GALK1: variants seen among roughly 807,000 people sequenced by gnomAD.
The protein encoded by GALK1 is galactokinase 1.
A neutral mutation model predicts 38.6 loss-of-function variants in GALK1; 30 were observed. That is an observed-to-expected ratio of 0.78 (90% CI 0.58 to 1.05). The LOEUF (loss-of-function observed/expected upper bound fraction) is 1.05, where lower values mean the gene tolerates loss of function less well. GALK1 is among the 50% of genes least tolerant of loss of function. GALK1 has a pLI of 0.00. For missense variants in GALK1, 512 were observed against 540.5 expected (o/e 0.95, Z 0.52); for synonymous variants, 240 against 233.6 (o/e 1.03, Z -0.25).
chr17:75,753,696 TC>T, downstream of GALK1: 1 of 1,097,600 alleles, frequency 9.1e-7, no homozygotes, highest in Non-Finnish European at 1.2e-6. Flanking sequence ...CCTACGGCCT[TC>T]CCCCGCCTGG....
Position 75,757,978 on chromosome 17 carries a change from G to A in GALK1, c.*78C>T. 6.6e-7 allele frequency: 1 copy of A among 1,510,902 alleles called. No homozygotes were observed. 93.6% of individuals were successfully genotyped at this position (1,510,902 alleles called of 1,614,324 possible). A position where few individuals can be genotyped will look rare whatever the true frequency, so the allele number is the denominator to read the frequency against. ...CAAGTTTATTGAGCACCCGGATATG[G>A]AAGATGGCACCGGGCACAGAGCCGT... On this transcript the variant is annotated 3_prime_UTR_variant, in exon 8 of 8. Transcript: ENST00000588479.
chr17:75,757,435 C>A (rs1254013283), downstream of GALK1: 1 of 1,613,254 alleles, frequency 6.2e-7, no homozygotes, highest in African/African-American at 1.3e-5. Context: ...CCCTGGGGGC[C>A]CAGCACCTGG....
intron 5 of GALK1, among the ~76,000 whole-genome samples, chr17:75,760,783 A>G (rs1210029958): frequency 1.4e-5 from 2 of 146,146 alleles, no homozygotes; most frequent in Non-Finnish European, 3.0e-5. Flanking sequence ...CTCAAAGAAA[A>G]AAAAGAGAAT....
Position 75,764,057 on chromosome 17 carries a change from G to A in GALK1, c.195C>T (p.Gly65=), listed in dbSNP as rs1301639431. Residue 65 remains glycine (G), a synonymous_variant, in exon 2 of 8, where the codon GGC becomes GGT. Coordinates refer to ENST00000588479, the MANE Select transcript of GALK1 (RefSeq NM_000154.2). Reference sequence around the variant, plus strand: ...ACACCAGCCCATCCTTGCGGGGGCTGCCCACCAGCACCGTCATGAGCTCCA... The same window carrying A: ...ACACCAGCCCATCCTTGCGGGGGCTACCCACCAGCACCGTCATGAGCTCCA... ...MALELMTVLV[G]SPRKDGLVSL... 4.4e-6 allele frequency: 7 copies of A among 1,592,642 alleles called. No homozygotes were observed. The highest frequency in any genetic ancestry group is 3.9e-4 in the Middle Eastern group (2 of 5,140).
At chr17:75,755,174 A>T, downstream of GALK1, 1 of 1,608,186 alleles carries the variant, frequency 6.2e-7, no homozygotes, top group East Asian at 2.2e-5. Flanking sequence ...AGACTCTATA[A>T]TCCTGGCTGG....
At chr17:75,762,951 G>C in intron 4 of GALK1, 63 bp downstream of exon 4, 1 of 1,459,384 alleles carries the variant, frequency 6.9e-7, no homozygotes, top group Non-Finnish European at 9.0e-7. Context: ...CAGGCAGTGG[G>C]CACACTCCCA....
At chr17:75,764,620 G>A (rs2143606970) in intron 1 of GALK1, 1 of 466,968 alleles carries the variant, frequency 2.1e-6, no homozygotes, top group Non-Finnish European at 4.0e-6. Context: ...TCTGCGGTTG[G>A]GGCCCCACGG....
In GALK1 at chr17:75,758,737, C is replaced by A. The variant is rs993978098; in HGVS notation, c.794-138G>T. ...AGGCCGCGGGGGCAGGGCAGCCTGG[C>A]TCTCTCAGACGTGGGTCTGAAGAGC... On this transcript the variant is annotated intron_variant, in intron 5 of 7. Transcript: ENST00000588479. 6 of 1,030,096 alleles carry A rather than the reference C, an allele frequency of 5.8e-6. No individual in the cohort carries two copies. The South Asian group carries it at 5.9e-5, about 10-fold the overall frequency. The allele number at this position is 1,030,096 out of a possible 1,614,324, so 63.8% of individuals were successfully genotyped here. A position where few individuals can be genotyped will look rare whatever the true frequency, so the allele number is the denominator to read the frequency against.
intron 1 of GALK1, 75 bp from the exon 2 acceptor site, chr17:75,764,161 C>T (rs1457711397): frequency 1.5e-6 from 2 of 1,375,306 alleles, no homozygotes; most frequent in Middle Eastern, 2.4e-4. Context: ...TGCCTCCAGC[C>T]GAGGTTCTGA....
At chr17:75,757,344 C>A, downstream of GALK1, 1 of 1,612,748 alleles carries the variant, frequency 6.2e-7, no homozygotes, top group Non-Finnish European at 8.5e-7. Flanking sequence ...CCCGGCTCTC[C>A]TGGGACAGGG....
chr17:75,757,281 A>G, downstream of GALK1: 1 of 1,611,738 alleles, frequency 6.2e-7, no homozygotes, highest in Non-Finnish European at 8.5e-7. Flanking sequence ...ACCACCACCC[A>G]CACCAGCGCC....
Position 75,758,558 on chromosome 17 carries a change from G to A in GALK1, c.835C>T (p.Arg279Trp), listed in dbSNP as rs567589849. ...LVSKEGFRRA[R>W]HVVGEIRRTA... Reference sequence around the variant, plus strand: ...CGCCGAATCTCCCCCACCACGTGCCGGGCCCGCCGGAAGCCCTCTTTGCTC... The same window carrying A: ...CGCCGAATCTCCCCCACCACGTGCCAGGCCCGCCGGAAGCCCTCTTTGCTC... The change falls in exon 6 of 8, where the codon CGG (arginine) becomes TGG (tryptophan). Residue 279 changes from arginine (R) to tryptophan (W), a missense_variant. Physicochemically the swap from Arg to Trp is moderately radical, Grantham distance 101. Transcript: ENST00000588479. The A allele has an allele frequency of 9.8e-5, 157 of 1,596,430 alleles. 3 individuals carry two copies. The South Asian group carries it at 1.0e-3, about 11-fold the overall frequency.
chr17:75,758,576 CTT>C lies in GALK1; in HGVS notation c.815_816del (p.Lys272ArgfsTer47). The C allele has an allele frequency of 6.3e-7, 1 of 1,596,786 alleles. No homozygotes were observed. Among genetic ancestry groups the C allele is most frequent in the Non-Finnish European group, 8.5e-7 (1 of 1,177,860 alleles). ...ACGTGCCGGGCCCGCCGGAAGCCCT[CTT>C]TGCTCACCAGGTCCCTGGCAGCTGG... ...ELEAARDLVS[K>X]EGFRRARHVV... is the part of the protein sequence containing the mutation. On this transcript the variant is annotated frameshift_variant, in exon 6 of 8. Coordinates refer to ENST00000588479, the MANE Select transcript of GALK1 (RefSeq NM_000154.2). LOFTEE classifies it high-confidence loss of function.
At chr17:75,753,659 A>C, downstream of GALK1, 2 of 692,010 alleles carry the variant, frequency 2.9e-6, no homozygotes, top group East Asian at 3.5e-5. Flanking sequence ...GGATCCCGGG[A>C]GCTGGAGACG....
downstream of GALK1, chr17:75,754,444 G>A (rs2061439774): frequency 8.7e-7 from 1 of 1,152,380 alleles, no homozygotes; most frequent in Non-Finnish European, 1.3e-6. Flanking sequence ...CTAGTGGTTT[G>A]AGGGAAACTG....
downstream of GALK1, chr17:75,757,582 T>A: frequency 6.2e-7 from 1 of 1,612,820 alleles, no homozygotes; most frequent in East Asian, 2.2e-5. Context: ...CCCCGCCACG[T>A]CCCACTAGGC....
downstream of GALK1, chr17:75,755,065 C>A: frequency 6.3e-7 from 1 of 1,598,728 alleles, no homozygotes; most frequent in Admixed American, 1.7e-5. Context: ...GCCTCCCTCC[C>A]ATCTGGGAAC....
rs757422488 is a variant in GALK1, at chr17:75,752,246, G to A, written c.*23-509C>T. 1.9e-5 allele frequency: 30 copies of A among 1,613,558 alleles called. No individual in the cohort carries two copies. Among genetic ancestry groups the A allele is most frequent in the Middle Eastern group, 3.3e-4 (2 of 6,084 alleles). ...CGGATGCTGCTTATTGAGAACCTTC[G>A]GGAGTCCCAGCCCTACCGCTACACG... On this transcript the variant is annotated intron_variant, in intron 8 of 8. Transcript: ENST00000225614.
chr17:75,764,021 G>A lies in GALK1; in HGVS notation c.231C>T (p.Thr77=). Residue 77 remains threonine (T), a synonymous_variant, in exon 2 of 8, where the codon ACC becomes ACT. Coordinates refer to ENST00000588479, the MANE Select transcript of GALK1 (RefSeq NM_000154.2). The stretch of plus-strand genomic sequence containing the variant: ...GGGGCTCATCGGCACCCTCAGAGGT[G>A]GTGAGGAGAGACACCAGCCCATCCT... ...PRKDGLVSLL[T]TSEGADEPQR... is the part of the protein sequence containing the mutation. The A allele has an allele frequency of 1.2e-6, 2 of 1,607,198 alleles. No individual in the cohort carries two copies. The highest frequency in any genetic ancestry group is 1.7e-6 in the Non-Finnish European group (2 of 1,177,954).
Sources: allele counts gnomAD v4.1 joint callset (sites outside exome capture counted in the v4.1 genomes callset), GRCh38; gene constraint gnomAD v4.1.1; transcripts MANE v1.5; gene names NCBI Gene and HGNC (gene_info 2026-07-23, HGNC 2026-07-21).